Variants in EDAR observed in about 807,000 individuals in gnomAD.
EDAR encodes the protein ectodysplasin A receptor, also known as tumor necrosis factor receptor superfamily member EDAR.
Under a neutral mutation model 51.3 loss-of-function variants are expected in EDAR, and 38 were observed. The ratio of observed to expected loss-of-function variants is 0.74; its 90% CI spans 0.57 to 0.97. The LOEUF (loss-of-function observed/expected upper bound fraction) is 0.97, where lower values mean the gene tolerates loss of function less well. Among genes scored for constraint, EDAR ranks in the 50% least tolerant of loss-of-function variants. The pLI is 0.00. For missense variants in EDAR, 528 were observed against 595.0 expected (o/e 0.89, Z 1.17); for synonymous variants, 227 against 242.1 (o/e 0.94, Z 0.58).
intron 1 of EDAR, among the ~76,000 whole-genome samples, chr2:108,950,193 T>TTCCC (rs1191481776): frequency 2.0e-5 from 3 of 151,738 alleles, no homozygotes; most frequent in Non-Finnish European, 2.9e-5. Context: ...TTCTCTTTCC[T>TTCCC]TCCCTCCCTA....
chr2:108,946,987 C>T (rs1697726152), intron 1 of EDAR, among the ~76,000 whole-genome samples: 1 of 152,160 alleles, frequency 6.6e-6, no homozygotes, highest in African/African-American at 2.4e-5. Context: ...TCCAAAGTCT[C>T]ATCTGAGACA....
chr2:108,908,056 G>C (rs764892132), intron 9 of EDAR, 37 bp from the exon 10 acceptor site: 4 of 1,573,374 alleles, frequency 2.5e-6, no homozygotes, highest in Middle Eastern at 1.7e-4. Flanking sequence ...AGCAGTGCCT[G>C]GGGGGGCTGC....
chr2:108,900,560 GA>G (rs777541119), intron 11 of EDAR, among the ~76,000 whole-genome samples: 21 of 43,484 alleles, frequency 4.8e-4, no homozygotes, highest in Admixed American at 1.9e-3. Flanking sequence ...CAAAAAAAAA[GA>G]AAAAAAAAAA....
intron 4 of EDAR, among the ~76,000 whole-genome samples, chr2:108,926,019 TTTTCTA>T (rs1276241140): frequency 3.7e-4 from 57 of 152,270 alleles, no homozygotes; most frequent in Middle Eastern, 3.4e-3. Context: ...GAAGCCACCG[TTTTCTA>T]GCACGTATTG....
At chr2:108,939,847 C>T (rs191405007) in intron 1 of EDAR, among the ~76,000 whole-genome samples, 2 of 152,216 alleles carry the variant, frequency 1.3e-5, no homozygotes, top group African/African-American at 4.8e-5. Flanking sequence ...CTGCCTCCCC[C>T]AGACCCAGCC....
chr2:108,934,321 T>G (rs1436883263), intron 1 of EDAR, among the ~76,000 whole-genome samples: 5 of 152,134 alleles, frequency 3.3e-5, no homozygotes, highest in African/African-American at 1.2e-4. Context: ...GGTGGGCCAC[T>G]GGGCGCTGGG....
At chr2:108,982,530 C>A (rs1246170705) in intron 1 of EDAR, among the ~76,000 whole-genome samples, 1 of 152,226 alleles carries the variant, frequency 6.6e-6, no homozygotes, top group Non-Finnish European at 1.5e-5. Flanking sequence ...GCAATCTTCA[C>A]AAAATAAATA....
At chr2:108,925,040 T>G (rs141023712) in intron 4 of EDAR, among the ~76,000 whole-genome samples, 1 of 152,184 alleles carries the variant, frequency 6.6e-6, no homozygotes, top group African/African-American at 2.4e-5. Context: ...TCCTCCACCT[T>G]TTCTCACTCT....
intron 11 of EDAR, among the ~76,000 whole-genome samples, chr2:108,899,006 C>G (rs561059807): frequency 2.0e-5 from 3 of 152,258 alleles, no homozygotes; most frequent in African/African-American, 7.2e-5. Context: ...TAAATAAATA[C>G]TCAAATAAAT....
chr2:108,987,081 G>T (rs968018379), intron 1 of EDAR, among the ~76,000 whole-genome samples: 5 of 152,210 alleles, frequency 3.3e-5, no homozygotes, highest in Admixed American at 6.5e-5. Flanking sequence ...GCCCAGCTGA[G>T]GGGCTGAGCC....
At chr2:108,971,981 G>A (rs964931733) in intron 1 of EDAR, among the ~76,000 whole-genome samples, 3 of 152,184 alleles carry the variant, frequency 2.0e-5, no homozygotes, top group East Asian at 3.9e-4. Context: ...CCCGTGGCCC[G>A]GAGCTGAGGC....
intron 1 of EDAR, among the ~76,000 whole-genome samples, chr2:108,979,973 G>A (rs1698392810): frequency 6.8e-6 from 1 of 146,070 alleles, no homozygotes; most frequent in Non-Finnish European, 1.5e-5. Flanking sequence ...TGAGTCTCCT[G>A]GCCTCTGCTT....
intron 11 of EDAR, among the ~76,000 whole-genome samples, chr2:108,904,073 G>T (rs1696757905): frequency 6.6e-6 from 1 of 151,860 alleles, no homozygotes; most frequent in Non-Finnish European, 1.5e-5. Flanking sequence ...TCCATCATAG[G>T]ACTAGTGTCT....
At chr2:108,921,338 T>C (rs1335479750) in intron 5 of EDAR, among the ~76,000 whole-genome samples, 2 of 152,192 alleles carry the variant, frequency 1.3e-5, no homozygotes. Context: ...GTGGGTGTCA[T>C]CCTCAGCCAG....
intron 1 of EDAR, among the ~76,000 whole-genome samples, chr2:108,987,727 C>T (rs1052488105): frequency 6.6e-6 from 1 of 152,194 alleles, no homozygotes; most frequent in Non-Finnish European, 1.5e-5. Flanking sequence ...CGGCCAATCG[C>T]CACCAGGATC....
chr2:108,956,861 A>C (rs111976151), intron 1 of EDAR, among the ~76,000 whole-genome samples: 4,198 of 151,710 alleles, frequency 0.028, 116 homozygotes, highest in African/African-American at 0.072. Flanking sequence ...CGATCTCAGC[A>C]CACCGCAACC....
At chr2:108,987,231 C>T (rs1210941145) in intron 1 of EDAR, among the ~76,000 whole-genome samples, 2 of 152,350 alleles carry the variant, frequency 1.3e-5, no homozygotes, top group Middle Eastern at 3.4e-3. Flanking sequence ...AACCACAAAA[C>T]GCACTCACTT....
intron 1 of EDAR, among the ~76,000 whole-genome samples, chr2:108,987,735 A>T (rs1415129987): frequency 6.6e-6 from 1 of 152,192 alleles, no homozygotes; most frequent in Non-Finnish European, 1.5e-5. Flanking sequence ...CGCCACCAGG[A>T]TCGCCAAACT....
rs568261980 is a variant in EDAR at position 108,929,210 on chromosome 2, G to A, written c.344C>T (p.Pro115Leu). Residue 115 changes from proline (P) to leucine (L), a missense_variant, in exon 4 of 12, where the codon CCT becomes CTT. Transcript: ENST00000258443. Reference sequence around the variant, plus strand: ...GGCCTGTGCTTACCCAGGGAGGCAAGGGCCACACTCAGCGTCATTCTCCAT... The same window carrying A: ...GGCCTGTGCTTACCCAGGGAGGCAAAGGCCACACTCAGCGTCATTCTCCAT... ...GDMENDAECG[P>L]CLPGYYMLEN... The A allele has an allele frequency of 6.2e-7, 1 of 1,614,060 alleles. No homozygotes were observed. Among genetic ancestry groups the A allele is most frequent in the African/African-American group, 1.3e-5 (1 of 75,056 alleles).
Sources: gnomAD v4.1 joint callset for allele counts (sites outside exome capture counted in the v4.1 genomes callset) on GRCh38, gnomAD v4.1.1 for gene constraint, MANE v1.5 for transcripts, NCBI Gene and HGNC (gene_info 2026-07-23, HGNC 2026-07-21) for gene names.